TOP1: variants seen among roughly 807,000 people sequenced by gnomAD.
TOP1 encodes the protein DNA topoisomerase 1.
TOP1 carries 10 observed loss-of-function variants against 111.1 expected under a neutral mutation model. That is an observed-to-expected ratio of 0.09 (90% confidence interval 0.06 to 0.15). The LOEUF is 0.15. Among genes scored for constraint, TOP1 ranks in the 10% least tolerant of loss-of-function variants. The probability of loss-of-function intolerance (pLI) is 1.00; values close to 1 mark genes in which losing one functional copy is unlikely to be tolerated. For missense variants in TOP1, 474 were observed against 926.7 expected, an observed-to-expected ratio of 0.51 and a Z score of 6.34; for synonymous variants, 271 against 302.9, an observed-to-expected ratio of 0.89 and a Z score of 1.10.
At position 41,041,947 on chromosome 20, in the gene TOP1, C is replaced by T. The variant is rs1307524798; in HGVS notation, c.58+12492C>T. 3.9e-5 allele frequency among the ~76,000 whole-genome samples: 6 copies of T among 152,142 alleles called. No individual in the cohort carries two copies. In the East Asian group the frequency reaches 9.7e-4, roughly 24 times the overall value. On this transcript the variant is annotated intron_variant, in intron 2 of 20. Coordinates refer to ENST00000361337, the MANE Select transcript of TOP1 (RefSeq NM_003286.4). Reference sequence around the variant, plus strand: ...ATTTGGAGACAGAGTCTCCCTTTGTCGCCCAGGCTGGGGTGCAGTGACACG... The same window carrying T: ...ATTTGGAGACAGAGTCTCCCTTTGTTGCCCAGGCTGGGGTGCAGTGACACG...
rs925711013 is a variant in TOP1 at position 41,102,236 on chromosome 20, G to T, written c.1308+883G>T. On this transcript the variant is annotated intron_variant, in intron 13 of 20. Transcript: ENST00000361337. The surrounding 1 kb of genome is among the most constrained non-coding windows in gnomAD (Gnocchi z 4.0). ...GCAAGACTAAACTGTACATTTTCTG[G>T]CTTGTAGCCCTGTGTTCTTCTGTAT... Among the ~76,000 whole-genome samples the T allele has an allele frequency of 3.9e-5, 6 of 152,126 alleles. No homozygotes were observed. The highest frequency in any genetic ancestry group is 8.8e-5 in the Non-Finnish European group (6 of 68,018).
chr20:41,029,155 C>T lies in TOP1; in HGVS notation c.33+55C>T, dbSNP rs1334216287. 6 of 1,361,438 alleles carry T rather than the reference C, an allele frequency of 4.4e-6. No individual in the cohort carries two copies. The South Asian group carries it at 6.1e-5, about 14-fold the overall frequency. 84.3% of individuals were successfully genotyped at this position (1,361,438 alleles called of 1,614,324 possible). A position where few individuals can be genotyped will look rare whatever the true frequency, so the allele number is the denominator to read the frequency against. ...GGACCCCGGCCTGGCCGTCCCGCGA[C>T]CCCCGGCGCAGGCCCCGACCCCAGC... On this transcript the variant is annotated intron_variant, in intron 1 of 20. Transcript: ENST00000361337. The surrounding 1 kb of genome is among the most constrained non-coding windows in gnomAD (Gnocchi z 6.1).
At chr20:41,103,658 T>A (rs550866647) in intron 13 of TOP1, among the ~76,000 whole-genome samples, 37 of 151,852 alleles carry the variant, frequency 2.4e-4, no homozygotes, top group South Asian at 8.3e-4. Flanking sequence ...AAAGAAAAAA[T>A]TTTTTTAAAT....
In TOP1 at chr20:41,112,639, T is replaced by C; in HGVS notation, c.1309-143T>C. On this transcript the variant is annotated intron_variant, in intron 13 of 20. Transcript: ENST00000361337. This position sits in a 1 kb window ranked among gnomAD's most constrained non-coding sequence, Gnocchi z 5.8. ...TTGGCTCACTGCAACCTCTGCCTCC[T>C]GCGTTCAAGCAATTCTTGTGTCTTA... 1 of 830,334 alleles carries C rather than the reference T, an allele frequency of 1.2e-6. No homozygotes were observed. The highest frequency in any genetic ancestry group is 1.9e-6 in the Non-Finnish European group (1 of 535,844). The allele number at this position is 830,334 out of a possible 1,614,324, so 51.4% of individuals were successfully genotyped here.
chr20:41,089,504 A>C (rs1231942346), intron 8 of TOP1, among the ~76,000 whole-genome samples: 1 of 152,244 alleles, frequency 6.6e-6, no homozygotes, highest in Non-Finnish European at 1.5e-5. Context: ...TGACTTTTAA[A>C]GGCTAAATAA....
rs1304934630 is a variant in TOP1 at position 41,102,028 on chromosome 20, C to T, written c.1308+675C>T. ...GGAGAGTCCCACGAACTTCTTCCCTCCAACATACTATGAAATATAAACCTA... is the reference window on the plus strand; with the variant it reads ...GGAGAGTCCCACGAACTTCTTCCCTTCAACATACTATGAAATATAAACCTA... On this transcript the variant is annotated intron_variant, in intron 13 of 20. Coordinates refer to ENST00000361337, the MANE Select transcript of TOP1 (RefSeq NM_003286.4). This position sits in a 1 kb window ranked among gnomAD's most constrained non-coding sequence, Gnocchi z 4.0. Among the ~76,000 whole-genome samples, 1 of 152,210 alleles carries T rather than the reference C, an allele frequency of 6.6e-6. No individual in the cohort carries two copies. Among genetic ancestry groups the T allele is most frequent in the Non-Finnish European group, 1.5e-5 (1 of 68,040 alleles).
At position 41,116,362 on chromosome 20, in the gene TOP1, C is replaced by T. The variant is rs776349546; in HGVS notation, c.1792C>T (p.Leu598=). The stretch of plus-strand genomic sequence containing the variant: ...CCGTACATACAATGCCTCCATCACG[C>T]TACAGCAGCAGCTAAAAGAACTGAC... The part of the protein sequence containing the change: ...VFRTYNASIT[L]QQQLKELTAP... Residue 598 remains leucine, a synonymous_variant, in exon 17 of 21, where the codon CTA becomes TTA. Transcript: ENST00000361337. This position sits in a 1 kb window ranked among gnomAD's most constrained non-coding sequence, Gnocchi z 5.6. The T allele has an allele frequency of 6.2e-7, 1 of 1,614,038 alleles. No individual in the cohort carries two copies.
chr20:41,072,935 A>AT, intron 3 of TOP1: 11 of 985,442 alleles, frequency 1.1e-5, no homozygotes, highest in Non-Finnish European at 1.3e-5. Flanking sequence ...GAAAGTCAGG[A>AT]TGATAGCTTC....
At chr20:41,104,130 G>A (rs2034107746) in intron 13 of TOP1, among the ~76,000 whole-genome samples, 1 of 152,188 alleles carries the variant, frequency 6.6e-6, no homozygotes, top group South Asian at 2.1e-4. Flanking sequence ...AGAGCATGAG[G>A]AGCATACGCT....
rs892875013 is a variant in TOP1 at position 41,069,991 on chromosome 20, G to A, written c.156-6180G>A. Reference sequence around the variant, plus strand: ...TACACAGGGTGGAATAGTAGAAAATGAGACCCAAAAAAGTGGCTTGAGGCA... The same window carrying A: ...TACACAGGGTGGAATAGTAGAAAATAAGACCCAAAAAAGTGGCTTGAGGCA... On this transcript the variant is annotated intron_variant, in intron 3 of 20. Transcript: ENST00000361337. The surrounding 1 kb of genome is among the most constrained non-coding windows in gnomAD (Gnocchi z 4.1). 6.6e-6 allele frequency among the ~76,000 whole-genome samples: 1 copy of A among 152,164 alleles called. No homozygotes were observed. The highest frequency in any genetic ancestry group is 6.5e-5 in the Admixed American group (1 of 15,272).
chr20:41,035,778 A>T (rs535769256), intron 2 of TOP1, among the ~76,000 whole-genome samples: 28 of 152,348 alleles, frequency 1.8e-4, no homozygotes, highest in African/African-American at 6.5e-4. Flanking sequence ...TAGAAGTCCA[A>T]ATGTTAATCT....
At chr20:41,045,637 A>G (rs1012366438) in intron 2 of TOP1, among the ~76,000 whole-genome samples, 2 of 152,184 alleles carry the variant, frequency 1.3e-5, no homozygotes, top group African/African-American at 4.8e-5. Context: ...TAAAATGGTT[A>G]GTTTTATCCC....
Position 41,084,335 on chromosome 20 carries a change from G to A in TOP1, c.508-127G>A, listed in dbSNP as rs549828195. The A allele has an allele frequency of 5.6e-5, 28 of 500,480 alleles. No homozygotes were observed. The South Asian group carries it at 8.5e-4, about 15-fold the overall frequency. 31.0% of individuals were successfully genotyped at this position (500,480 alleles called of 1,614,324 possible). ...GTTATTCATCTGTCAAATGAGAGGA[G>A]TACTAAGATCTTCTTTAGTTCTAAT... On this transcript the variant is annotated intron_variant, in intron 7 of 20. Coordinates refer to ENST00000361337, the MANE Select transcript of TOP1 (RefSeq NM_003286.4).
intron 2 of TOP1, among the ~76,000 whole-genome samples, chr20:41,051,122 T>C (rs2033400574): frequency 6.6e-6 from 1 of 152,244 alleles, no homozygotes; most frequent in Non-Finnish European, 1.5e-5. Flanking sequence ...GCAGAGATTA[T>C]CTTTGACAGA....
rs1264194196 is a variant in TOP1 at position 41,067,818 on chromosome 20, G to T, written c.155+6328G>T. On this transcript the variant is annotated intron_variant, in intron 3 of 20. Transcript: ENST00000361337. The surrounding 1 kb of genome is among the most constrained non-coding windows in gnomAD (Gnocchi z 4.0). ...AGTGGGAGAGTAGCCATTATGTGCA[G>T]AAACAAAATGGGGCTATGGATCCAC... 1.3e-5 allele frequency among the ~76,000 whole-genome samples: 2 copies of T among 152,200 alleles called. No homozygotes were observed. The highest frequency in any genetic ancestry group is 2.9e-5 in the Non-Finnish European group (2 of 68,032).
At chr20:41,105,501 G>T (rs1386096956) in intron 13 of TOP1, among the ~76,000 whole-genome samples, 1 of 152,008 alleles carries the variant, frequency 6.6e-6, no homozygotes. Flanking sequence ...GTTGGTTTTT[G>T]TTGTTGGTCA....
rs573332904 is a variant in TOP1 at position 41,032,992 on chromosome 20, C to T, written c.58+3537C>T. 6.6e-6 allele frequency among the ~76,000 whole-genome samples: 1 copy of T among 152,314 alleles called. No individual in the cohort carries two copies. The highest frequency in any genetic ancestry group is 2.4e-5 in the African/African-American group (1 of 41,572). On this transcript the variant is annotated intron_variant, in intron 2 of 20. Coordinates refer to ENST00000361337, the MANE Select transcript of TOP1 (RefSeq NM_003286.4). This position sits in a 1 kb window ranked among gnomAD's most constrained non-coding sequence, Gnocchi z 4.3. ...GCTCCAGGGTGGTTTTCTTCCCTTA[C>T]ATTGCAACTGGACTCCTTGAGGCAC...
At chr20:41,066,704 G>T (rs569104951) in intron 3 of TOP1, among the ~76,000 whole-genome samples, 5 of 151,320 alleles carry the variant, frequency 3.3e-5, no homozygotes, top group Non-Finnish European at 5.9e-5. Context: ...ACAGGTGCCC[G>T]CCACCATGCC....
rs1485081671 is a variant in TOP1 at position 41,098,804 on chromosome 20, C to G, written c.975+467C>G. 2 of 149,510 alleles carry G rather than the reference C, an allele frequency of 1.3e-5. No individual in the cohort carries two copies. The highest frequency in any genetic ancestry group is 2.5e-5 in the African/African-American group (1 of 40,476). The allele number at this position is 149,510 out of a possible 1,614,324, so 9.3% of individuals were successfully genotyped here. A position where few individuals can be genotyped will look rare whatever the true frequency, so the allele number is the denominator to read the frequency against. On this transcript the variant is annotated intron_variant, in intron 11 of 20. Coordinates refer to ENST00000361337, the MANE Select transcript of TOP1 (RefSeq NM_003286.4). The surrounding 1 kb of genome is among the most constrained non-coding windows in gnomAD (Gnocchi z 5.7). ...TCTTTCTGGTATCCAGCTGGGATGT[C>G]ATTTTTCTTCTACAGGCTGCCTGTT...
Sources: gnomAD v4.1 joint callset for allele counts (sites outside exome capture counted in the v4.1 genomes callset) on GRCh38, gnomAD v4.1.1 for gene constraint, Gnocchi (gnomAD v3.1) non-coding constraint, MANE v1.5 for transcripts, NCBI Gene and HGNC (gene_info 2026-07-23, HGNC 2026-07-21) for gene names.